Variants in RABGAP1L observed in about 807,000 individuals in gnomAD.
RABGAP1L encodes the protein RAB GTPase activating protein 1 like, also known as rab GTPase-activating protein 1-like.
RABGAP1L carries 63 observed loss-of-function variants against 137.7 expected under a neutral mutation model. That is an observed-to-expected ratio of 0.46 (90% CI 0.37 to 0.56). RABGAP1L has a LOEUF of 0.56. RABGAP1L is among the 20% of genes least tolerant of loss of function. The pLI is 0.00. For missense variants in RABGAP1L, 1,095 were observed against 1,244.0 expected (o/e 0.88, Z 1.80); for synonymous variants, 431 against 433.7 (o/e 0.99, Z 0.08).
chr1:174,258,776 T>G (rs184981337), intron 7 of RABGAP1L, among the ~76,000 whole-genome samples: 37 of 125,506 alleles, frequency 2.9e-4, no homozygotes, highest in African/African-American at 8.1e-4. Context: ...ACATTCTGGG[T>G]TTTTTTTTGT....
chr1:174,531,285 C>A (rs912121456), intron 13 of RABGAP1L, among the ~76,000 whole-genome samples: 2 of 151,914 alleles, frequency 1.3e-5, no homozygotes, highest in Non-Finnish European at 2.9e-5. Context: ...TGTAGTTCAC[C>A]AAGTATATAT....
At chr1:174,407,807 A>G (rs890272689) in intron 13 of RABGAP1L, among the ~76,000 whole-genome samples, 1 of 152,158 alleles carries the variant, frequency 6.6e-6, no homozygotes, top group Non-Finnish European at 1.5e-5. Context: ...TATGGGTCAC[A>G]TGGTGTTACT....
Position 174,615,686 on chromosome 1 carries a change from G to A in RABGAP1L, c.1711-21689G>A, listed in dbSNP as rs559345948. Among the ~76,000 whole-genome samples the A allele has an allele frequency of 2.6e-5, 4 of 152,362 alleles. No homozygotes were observed. In the East Asian group the frequency reaches 7.7e-4, roughly 29 times the overall value. On this transcript the variant is annotated intron_variant, in intron 13 of 25. Transcript: ENST00000681986. ...TGTGTGCCCTGCCCCCAGAGGTGGA[G>A]CCTACAGAGGCAGGCAGGCCTCCTT...
chr1:174,925,354 C>CAA (rs545791515), intron 19 of RABGAP1L, among the ~76,000 whole-genome samples: 1,048 of 54,158 alleles, frequency 0.019, 32 homozygotes, highest in East Asian at 0.05. Context: ...GACTCCGTCT[C>CAA]AAAAAAAAAA....
At chr1:174,464,219 AG>A (rs1253928917) in intron 13 of RABGAP1L, among the ~76,000 whole-genome samples, 10 of 152,156 alleles carry the variant, frequency 6.6e-5, no homozygotes, top group African/African-American at 2.4e-4. Context: ...GGTTTATTGC[AG>A]TTCTGCCCAA....
chr1:174,462,109 A>T (rs1250574124), intron 13 of RABGAP1L, among the ~76,000 whole-genome samples: 1 of 152,112 alleles, frequency 6.6e-6, no homozygotes, highest in Non-Finnish European at 1.5e-5. Flanking sequence ...GAAGCTCATC[A>T]CCAACTTTTC....
chr1:174,869,177 G>A (rs1019653823), intron 19 of RABGAP1L, among the ~76,000 whole-genome samples: 4 of 152,066 alleles, frequency 2.6e-5, no homozygotes, highest in African/African-American at 9.7e-5. Context: ...CCAGAGTCAG[G>A]TACCTCACTG....
intron 13 of RABGAP1L, among the ~76,000 whole-genome samples, chr1:174,495,211 G>GT (rs1660633051): frequency 6.6e-6 from 1 of 152,166 alleles, no homozygotes; most frequent in African/African-American, 2.4e-5. Flanking sequence ...AACTCTCATT[G>GT]TTTCAGTGTA....
intron 14 of RABGAP1L, among the ~76,000 whole-genome samples, chr1:174,683,278 C>T (rs1678220355): frequency 1.3e-5 from 2 of 151,898 alleles, no homozygotes; most frequent in Non-Finnish European, 1.5e-5. Context: ...GTCCTCTGAG[C>T]ATCTCTTTAT....
chr1:174,821,990 C>A (rs1301266530), intron 19 of RABGAP1L, among the ~76,000 whole-genome samples: 2 of 152,170 alleles, frequency 1.3e-5, no homozygotes. Context: ...AAGCTGGGTG[C>A]GGTGGCTCAC....
chr1:174,409,659 A>G (rs1406051684), intron 13 of RABGAP1L, among the ~76,000 whole-genome samples: 1 of 152,028 alleles, frequency 6.6e-6, no homozygotes, highest in Non-Finnish European at 1.5e-5. Flanking sequence ...CTAGCAAGGA[A>G]TATTAATAAT....
chr1:174,300,762 G>A (rs1022028154), intron 10 of RABGAP1L, among the ~76,000 whole-genome samples: 7 of 152,094 alleles, frequency 4.6e-5, no homozygotes, highest in Admixed American at 2.0e-4. Flanking sequence ...AGCTACTTGG[G>A]AGGCTGAGGC....
At position 174,261,507 on chromosome 1, in the gene RABGAP1L, C is replaced by G. The variant is rs545949474; in HGVS notation, c.986+8917C>G. ...TGTGTAGCATGGGTGATTGATAGTA[C>G]CTTTCCTTGTGTTATTTTCTTGAGG... On this transcript the variant is annotated intron_variant, in intron 7 of 25. Coordinates refer to ENST00000681986, the MANE Select transcript of RABGAP1L (RefSeq NM_001366446.1). Among the ~76,000 whole-genome samples, 8 of 152,176 alleles carry G rather than the reference C, an allele frequency of 5.3e-5. No individual in the cohort carries two copies. The East Asian group carries it at 1.5e-3, about 29-fold the overall frequency.
At chr1:174,625,169 G>T (rs115643029) in intron 13 of RABGAP1L, among the ~76,000 whole-genome samples, 3,218 of 152,086 alleles carry the variant, frequency 0.021, 55 homozygotes, top group Middle Eastern at 0.085. Context: ...ACTGTGCCTG[G>T]CCTATCTTGC....
chr1:174,762,781 A>C (rs1226043649), intron 18 of RABGAP1L, among the ~76,000 whole-genome samples: 5 of 147,302 alleles, frequency 3.4e-5, no homozygotes, highest in Non-Finnish European at 6.0e-5. Context: ...CCAGGATAGC[A>C]GCTTTTTCAA....
chr1:174,533,202 C>T (rs569748094), intron 13 of RABGAP1L, among the ~76,000 whole-genome samples: 1 of 152,298 alleles, frequency 6.6e-6, no homozygotes, highest in Non-Finnish European at 1.5e-5. Flanking sequence ...CCACTGCACT[C>T]CAGCCTGGGT....
chr1:174,350,417 C>G (rs1432616240), intron 11 of RABGAP1L, among the ~76,000 whole-genome samples: 6 of 74,964 alleles, frequency 8.0e-5, no homozygotes, highest in Admixed American at 1.2e-4. Flanking sequence ...CAGACGGGGT[C>G]TCGGCCGGGC....
intron 19 of RABGAP1L, among the ~76,000 whole-genome samples, chr1:174,860,837 A>G (rs1243272519): frequency 6.6e-6 from 1 of 152,340 alleles, no homozygotes; most frequent in East Asian, 1.9e-4. Flanking sequence ...TTTAAGGTGT[A>G]TAACATGATG....
intron 19 of RABGAP1L, among the ~76,000 whole-genome samples, chr1:174,814,983 C>T (rs951628598): frequency 1.3e-5 from 2 of 151,538 alleles, no homozygotes; most frequent in Non-Finnish European, 2.9e-5. Context: ...CCACCATTGC[C>T]CAACCTATTG....
Sources: allele counts gnomAD v4.1 joint callset (sites outside exome capture counted in the v4.1 genomes callset), GRCh38; gene constraint gnomAD v4.1.1; transcripts MANE v1.5; gene names NCBI Gene and HGNC (gene_info 2026-07-23, HGNC 2026-07-21).